NALCN: variants seen among roughly 807,000 people sequenced by gnomAD.
NALCN encodes the protein sodium leak channel NALCN.
In NALCN, 111 loss-of-function variants were observed where a neutral mutation model predicts 225.3. The observed-to-expected ratio is 0.49, with a 90% confidence interval of 0.42 to 0.58. The LOEUF (loss-of-function observed/expected upper bound fraction) is 0.58, where lower values mean the gene tolerates loss of function less well. Ranked by LOEUF, NALCN falls within the 20% of genes least tolerant of loss-of-function variation. The pLI is 0.00. For synonymous variants in NALCN, 764 were observed against 769.0 expected, an observed-to-expected ratio of 0.99 and a Z score of 0.11; for missense variants, 1,378 against 2,202.4, an observed-to-expected ratio of 0.63 and a Z score of 7.49.
At chr13:101,116,040 C>T (rs571179686) in intron 18 of NALCN, among the ~76,000 whole-genome samples, 73 of 152,086 alleles carry the variant, frequency 4.8e-4, no homozygotes, top group African/African-American at 1.6e-3. Flanking sequence ...ATTCCTGTTC[C>T]CTGGAGGAGA....
chr13:101,368,532 G>A (rs2046446249), intron 6 of NALCN: 1 of 152,058 alleles, frequency 6.6e-6, no homozygotes, highest in Non-Finnish European at 1.5e-5. Context: ...AAACAGAAAA[G>A]TTTAAAAATT....
At chr13:101,090,927 C>T (rs1468763288) in intron 28 of NALCN, among the ~76,000 whole-genome samples, 1 of 152,116 alleles carries the variant, frequency 6.6e-6, no homozygotes, top group Non-Finnish European at 1.5e-5. Flanking sequence ...TCGAGGTGTA[C>T]CCACTGTTTA....
chr13:101,116,543 T>C, intron 18 of NALCN: 1 of 516,388 alleles, frequency 1.9e-6, no homozygotes, highest in Non-Finnish European at 3.9e-6. Context: ...TGTCTCCATG[T>C]CTTCTTTCTT....
intron 27 of NALCN, among the ~76,000 whole-genome samples, chr13:101,097,628 T>C (rs1298038506): frequency 6.6e-6 from 1 of 152,194 alleles, no homozygotes. Flanking sequence ...TCATTAGGAA[T>C]GGATATCCTC....
At chr13:101,209,919 A>G (rs2040457998) in intron 13 of NALCN, among the ~76,000 whole-genome samples, 1 of 152,158 alleles carries the variant, frequency 6.6e-6, no homozygotes, top group Non-Finnish European at 1.5e-5. Flanking sequence ...TAGCAAGTAC[A>G]TTTCTGTTGG....
intron 14 of NALCN, among the ~76,000 whole-genome samples, chr13:101,181,574 A>C (rs1318512749): frequency 2.1e-5 from 3 of 140,302 alleles, no homozygotes; most frequent in African/African-American, 7.5e-5. Flanking sequence ...TCTCTCAAAA[A>C]AAAAAAAAAC....
intron 11 of NALCN, among the ~76,000 whole-genome samples, chr13:101,240,972 T>G (rs2041737639): frequency 6.6e-6 from 1 of 152,236 alleles, no homozygotes; most frequent in Non-Finnish European, 1.5e-5. Context: ...TACTTGTATA[T>G]CATTATCAGG....
At chr13:101,344,293 T>C (rs2045648251) in intron 7 of NALCN, among the ~76,000 whole-genome samples, 2 of 152,132 alleles carry the variant, frequency 1.3e-5, no homozygotes, top group African/African-American at 2.4e-5. Flanking sequence ...TTTTGTGAAA[T>C]AGGAGACAAT....
intron 15 of NALCN, among the ~76,000 whole-genome samples, chr13:101,158,893 T>C (rs1416228663): frequency 1.3e-5 from 2 of 152,160 alleles, no homozygotes; most frequent in Non-Finnish European, 2.9e-5. Flanking sequence ...TTATTTCATC[T>C]GGGGGAGTGT....
chr13:101,062,689 C>T (rs1360233881), intron 40 of NALCN, among the ~76,000 whole-genome samples: 2 of 152,144 alleles, frequency 1.3e-5, no homozygotes, highest in Non-Finnish European at 1.5e-5. Context: ...CTGCAACCTC[C>T]GCCTCCTGGG....
At chr13:101,064,248 G>T (rs1234480172) in intron 40 of NALCN, among the ~76,000 whole-genome samples, 1 of 152,122 alleles carries the variant, frequency 6.6e-6, no homozygotes, top group Middle Eastern at 3.2e-3. Flanking sequence ...CGTTCATCAT[G>T]GAAGAGAATG....
chr13:101,065,203 G>A (rs925281784), intron 40 of NALCN, among the ~76,000 whole-genome samples: 1 of 152,176 alleles, frequency 6.6e-6, no homozygotes, highest in Non-Finnish European at 1.5e-5. Flanking sequence ...CCTCCCCTGC[G>A]AGGCACCTAC....
chr13:101,318,232 T>C (rs1403727082), intron 7 of NALCN, among the ~76,000 whole-genome samples: 1 of 152,106 alleles, frequency 6.6e-6, no homozygotes. Flanking sequence ...CTGGATCCCA[T>C]GCCCACCAAG....
At chr13:101,364,289 T>G (rs2046324958) in intron 6 of NALCN, among the ~76,000 whole-genome samples, 1 of 152,176 alleles carries the variant, frequency 6.6e-6, no homozygotes, top group African/African-American at 2.4e-5. Flanking sequence ...ACTGCAGCAC[T>G]ATTCCAAATA....
intron 10 of NALCN, among the ~76,000 whole-genome samples, chr13:101,276,062 CAAAAAAAAAAAAAAAAAA>C (rs59471123): frequency 3.8e-4 from 32 of 84,300 alleles, no homozygotes; most frequent in East Asian, 5.3e-4. Flanking sequence ...GACTCCTTCT[CAAAAAAAAAAAAAAAAAA>C]AAAAAAAAAA....
At chr13:101,350,031 A>G (rs888542530) in intron 6 of NALCN, among the ~76,000 whole-genome samples, 10 of 152,138 alleles carry the variant, frequency 6.6e-5, no homozygotes, top group Non-Finnish European at 1.2e-4. Context: ...TTCTCAAAAT[A>G]TCTTTTGAGC....
intron 17 of NALCN, among the ~76,000 whole-genome samples, chr13:101,131,092 C>A (rs2036495229): frequency 6.6e-6 from 1 of 152,044 alleles, no homozygotes; most frequent in African/African-American, 2.4e-5. Context: ...CATCTGAGGT[C>A]TCTTTATGTT....
Position 101,067,960 on chromosome 13 carries a change from G to A in NALCN, c.4404C>T (p.Arg1468=). ...EDQLLSYNDL[R]HFQIIWNMVD... is the part of the protein sequence containing the mutation. ...CCATGTTCCATATTATTTGAAAGTG[G>A]CGAAGATCATTGTAACTTAAAAGCT... Residue 1468 remains arginine, a synonymous_variant, in exon 39 of 44, where the codon CGC becomes CGT. Coordinates refer to ENST00000251127, the MANE Select transcript of NALCN (RefSeq NM_052867.4). 1 of 1,613,220 alleles carries A rather than the reference G, an allele frequency of 6.2e-7. No individual in the cohort carries two copies. The highest frequency in any genetic ancestry group is 2.2e-5 in the East Asian group (1 of 44,848).
intron 7 of NALCN, among the ~76,000 whole-genome samples, chr13:101,304,842 G>A (rs982584300): frequency 1.4e-5 from 2 of 141,854 alleles, no homozygotes; most frequent in South Asian, 2.3e-4. Flanking sequence ...TGCAATCTCC[G>A]CCTCCCGTGT....
Sources: gnomAD v4.1 joint callset for allele counts (sites outside exome capture counted in the v4.1 genomes callset) on GRCh38, gnomAD v4.1.1 for gene constraint, MANE v1.5 for transcripts, NCBI Gene and HGNC (gene_info 2026-07-23, HGNC 2026-07-21) for gene names.